PSD3: variants seen among roughly 807,000 people sequenced by gnomAD.
PSD3 encodes PH and SEC7 domain-containing protein 3.
PSD3 carries 49 observed loss-of-function variants against 105.5 expected under a neutral mutation model. That is an observed-to-expected ratio of 0.46 (90% CI 0.37 to 0.59). The LOEUF (loss-of-function observed/expected upper bound fraction) is 0.59. Among genes scored for constraint, PSD3 ranks in the 20% least tolerant of loss-of-function variants. PSD3 has a pLI of 0.00. For missense variants in PSD3, 1,561 were observed against 1,263.8 expected, an observed-to-expected ratio of 1.24 and a Z score of -3.57; for synonymous variants, 557 against 457.8, an observed-to-expected ratio of 1.22 and a Z score of -2.77.
intron 9 of PSD3, among the ~76,000 whole-genome samples, chr8:18,673,632 C>T (rs915487932): frequency 2.6e-5 from 4 of 152,278 alleles, no homozygotes; most frequent in South Asian, 2.1e-4. Flanking sequence ...CTCTGCTCTA[C>T]TGGACACCAT....
intron 9 of PSD3, among the ~76,000 whole-genome samples, chr8:18,686,077 G>C (rs374247297): frequency 1.3e-5 from 2 of 152,110 alleles, no homozygotes; most frequent in African/African-American, 4.8e-5. Context: ...CCATATGGTA[G>C]GATGTACAGA....
In PSD3 at chr8:19,007,703, G is replaced by A. The variant is rs115283994; in HGVS notation, c.21+5860C>T. Among the ~76,000 whole-genome samples the A allele has an allele frequency of 2.4e-3, 359 of 149,748 alleles. 4 individuals are homozygous for A. Among genetic ancestry groups the A allele is most frequent in the African/African-American group, 8.1e-3 (334 of 41,356 alleles). On this transcript the variant is annotated intron_variant, in intron 1 of 15. Transcript: ENST00000327040. The stretch of plus-strand genomic sequence containing the variant: ...TTGGAGTGTACACTGAGCTCAGCAC[G>A]AGGTAAGCACTTAATATTTGCTGAA...
chr8:18,538,785 C>T (rs964746611), intron 15 of PSD3, among the ~76,000 whole-genome samples: 3 of 152,216 alleles, frequency 2.0e-5, no homozygotes, highest in Non-Finnish European at 4.4e-5. Flanking sequence ...ACTCATTTTA[C>T]AGCTCCAGCT....
chr8:18,550,419 G>A (rs1321323977), intron 15 of PSD3, among the ~76,000 whole-genome samples: 1 of 152,194 alleles, frequency 6.6e-6, no homozygotes, highest in Non-Finnish European at 1.5e-5. Context: ...GGTATAAACT[G>A]TTGATCTTAC....
intron 1 of PSD3, among the ~76,000 whole-genome samples, chr8:18,993,326 C>G (rs1825905183): frequency 6.6e-6 from 1 of 152,174 alleles, no homozygotes; most frequent in Non-Finnish European, 1.5e-5. Context: ...TTTTTCACCA[C>G]TCACATACCT....
intron 10 of PSD3, among the ~76,000 whole-genome samples, chr8:18,640,958 G>C (rs547274314): frequency 1.2e-4 from 19 of 152,294 alleles, no homozygotes; most frequent in African/African-American, 3.8e-4. Context: ...TTCACAGCCT[G>C]TAATATGGTT....
intron 14 of PSD3, among the ~76,000 whole-genome samples, chr8:18,558,593 C>A (rs1246193991): frequency 6.6e-6 from 1 of 152,088 alleles, no homozygotes; most frequent in African/African-American, 2.4e-5. Flanking sequence ...GAGGCTGAGG[C>A]AGGTGGATCA....
At chr8:18,627,268 C>A (rs116898373) in intron 11 of PSD3, among the ~76,000 whole-genome samples, 4 of 151,774 alleles carry the variant, frequency 2.6e-5, no homozygotes, top group African/African-American at 4.8e-5. Context: ...TTTAGTGATG[C>A]GGAGATAAGA....
At chr8:18,580,607 T>C (rs554475335) in intron 12 of PSD3, among the ~76,000 whole-genome samples, 1 of 151,838 alleles carries the variant, frequency 6.6e-6, no homozygotes, top group African/African-American at 2.4e-5. Context: ...AAAAACCCCT[T>C]ATAGGCAGGT....
At chr8:18,753,094 C>T (rs1385079234) in intron 9 of PSD3, among the ~76,000 whole-genome samples, 5 of 151,980 alleles carry the variant, frequency 3.3e-5, no homozygotes, top group Admixed American at 1.3e-4. Context: ...TGGTGGTTCA[C>T]GCCTGTAATC....
rs775782847 is a variant in PSD3 at position 18,871,771 on chromosome 8, A to G, written c.1093T>C (p.Trp365Arg). 2.5e-6 allele frequency: 4 copies of G among 1,614,204 alleles called. No homozygotes were observed. Among genetic ancestry groups the G allele is most frequent in the East Asian group, 2.2e-5 (1 of 44,880 alleles). Residue 365 changes from tryptophan (W) to arginine (R), a missense_variant, in exon 3 of 16, where the codon TGG becomes CGG. Trp to Arg is a moderately radical substitution (Grantham distance 101). Transcript: ENST00000327040. ...CCAGGCCTCTCTGAAGGAGCTTTCC[A>G]GGATTCATCCCAAACATTCTCAGTT... Reference protein sequence around the residue: ...SLTENVWDESWKAPSERPGTS... With the variant: ...SLTENVWDESRKAPSERPGTS...
At chr8:18,574,404 T>C (rs1488405124) in intron 13 of PSD3, among the ~76,000 whole-genome samples, 3 of 152,314 alleles carry the variant, frequency 2.0e-5, no homozygotes, top group Non-Finnish European at 2.9e-5. Flanking sequence ...ATTTGAAAGT[T>C]TCTTTATGCC....
At chr8:18,802,552 G>A (rs1207385100) in intron 6 of PSD3, among the ~76,000 whole-genome samples, 1 of 152,022 alleles carries the variant, frequency 6.6e-6, no homozygotes, top group Non-Finnish European at 1.5e-5. Context: ...AGAATGCAAG[G>A]CAAAAATACA....
At chr8:18,662,277 T>C (rs969275059) in intron 9 of PSD3, among the ~76,000 whole-genome samples, 2 of 152,180 alleles carry the variant, frequency 1.3e-5, no homozygotes, top group African/African-American at 4.8e-5. Context: ...TTCCAGAGGC[T>C]AGGGAGGCAT....
Position 18,572,652 on chromosome 8 carries a change from C to A in PSD3, c.2660G>T (p.Gly887Val). 6.2e-7 allele frequency: 1 copy of A among 1,613,868 alleles called. No homozygotes were observed. The highest frequency in any genetic ancestry group is 8.5e-7 in the Non-Finnish European group (1 of 1,179,856). ...CACACAATTGATTTTGTTTATCCAC[C>A]CTTGCATTTCCTCTGGGCTCCTATG... ...FQTQSPEEMQ[G>V]WINKINCVAA... Residue 887 changes from glycine to valine, a missense_variant, in exon 14 of 16, where the codon GGG becomes GTG. Gly to Val is a moderately radical substitution (Grantham distance 109, BLOSUM62 -3). Coordinates refer to ENST00000327040, the MANE Select transcript of PSD3 (RefSeq NM_015310.4).
chr8:18,685,364 T>C (rs1800607964), intron 9 of PSD3, among the ~76,000 whole-genome samples: 1 of 152,158 alleles, frequency 6.6e-6, no homozygotes, highest in African/African-American at 2.4e-5. Context: ...TGTTTGACCC[T>C]TGGGTTTTGT....
intron 9 of PSD3, among the ~76,000 whole-genome samples, chr8:18,669,221 A>G (rs1799641629): frequency 6.6e-6 from 1 of 152,210 alleles, no homozygotes; most frequent in Non-Finnish European, 1.5e-5. Flanking sequence ...ACTAGACACT[A>G]ATTAGAATGT....
intron 15 of PSD3, among the ~76,000 whole-genome samples, chr8:18,544,272 C>G (rs117720821): frequency 1.3e-5 from 2 of 150,838 alleles, no homozygotes; most frequent in East Asian, 3.9e-4. Flanking sequence ...CTGCGTACTA[C>G]GAGATGATGG....
At chr8:18,987,484 T>C (rs917767687) in intron 1 of PSD3, among the ~76,000 whole-genome samples, 2 of 151,742 alleles carry the variant, frequency 1.3e-5, no homozygotes, top group Non-Finnish European at 2.9e-5. Flanking sequence ...AGATGGGGTT[T>C]CACTGTGTTA....
Sources: gnomAD v4.1 joint callset for allele counts (sites outside exome capture counted in the v4.1 genomes callset) on GRCh38, gnomAD v4.1.1 for gene constraint, MANE v1.5 for transcripts, NCBI Gene and HGNC (gene_info 2026-07-23, HGNC 2026-07-21) for gene names.